The following AOAH variants were observed in gnomAD, a reference collection of about 807,000 sequenced individuals.
The protein encoded by AOAH is acyloxyacyl hydrolase.
A neutral mutation model predicts 92.2 loss-of-function variants in AOAH; 64 were observed. That is an observed-to-expected ratio of 0.69 (90% CI 0.57 to 0.86). The LOEUF is 0.86. AOAH is among the 40% of genes least tolerant of loss of function. The probability of loss-of-function intolerance (pLI) is 0.00; values close to 1 mark genes in which losing one functional copy is unlikely to be tolerated. For synonymous variants in AOAH, 263 were observed against 254.5 expected, an observed-to-expected ratio of 1.03 and a Z score of -0.32; for missense variants, 656 against 694.6, an observed-to-expected ratio of 0.94 and a Z score of 0.62.
chr7:36,597,054 C>T (rs1284643398), intron 11 of AOAH, among the ~76,000 whole-genome samples: 3 of 152,196 alleles, frequency 2.0e-5, no homozygotes, highest in African/African-American at 7.2e-5. Context: ...GCCACGAAAC[C>T]TCCATCCTTA....
intron 13 of AOAH, among the ~76,000 whole-genome samples, chr7:36,563,579 G>T (rs371820125): frequency 6.6e-6 from 1 of 152,112 alleles, no homozygotes; most frequent in African/African-American, 2.4e-5. Flanking sequence ...ACAGGGTGGG[G>T]TATGTTTACT....
chr7:36,530,655 G>A, intron 18 of AOAH, 141 bp from the exon 19 acceptor site: 1 of 590,484 alleles, frequency 1.7e-6, no homozygotes, highest in Non-Finnish European at 3.0e-6. Flanking sequence ...CAGCAGCTCT[G>A]CACATTAAAT....
At chr7:36,695,183 C>T (rs533196151) in intron 1 of AOAH, among the ~76,000 whole-genome samples, 54 of 152,144 alleles carry the variant, frequency 3.5e-4, no homozygotes, top group African/African-American at 1.3e-3. Flanking sequence ...AGAAAATATA[C>T]CAAAATACCA....
At chr7:36,610,103 G>C (rs58293767) in intron 11 of AOAH, among the ~76,000 whole-genome samples, 3,995 of 111,480 alleles carry the variant, frequency 0.036, 198 homozygotes, top group African/African-American at 0.12. Flanking sequence ...AAATTGGAAG[G>C]TTTTTTTCTT....
At chr7:36,569,946 AT>A (rs1219603663) in intron 13 of AOAH, among the ~76,000 whole-genome samples, 2 of 151,886 alleles carry the variant, frequency 1.3e-5, no homozygotes, top group African/African-American at 4.8e-5. Flanking sequence ...CCACTTTAAT[AT>A]TTGTTTTTCT....
At chr7:36,618,515 G>A (rs954533006) in intron 9 of AOAH, among the ~76,000 whole-genome samples, 170 bp from the exon 10 acceptor site, 4 of 152,294 alleles carry the variant, frequency 2.6e-5, no homozygotes, top group Non-Finnish European at 4.4e-5. Flanking sequence ...CGAGCGAGTC[G>A]GGTTTGGGAG....
chr7:36,539,105 G>A (rs1785259749), intron 16 of AOAH, among the ~76,000 whole-genome samples: 1 of 152,218 alleles, frequency 6.6e-6, no homozygotes, highest in Non-Finnish European at 1.5e-5. Context: ...TTCACACAAA[G>A]TAGTATATGC....
At chr7:36,606,428 A>T (rs1484973328) in intron 11 of AOAH, among the ~76,000 whole-genome samples, 1 of 152,210 alleles carries the variant, frequency 6.6e-6, no homozygotes, top group African/African-American at 2.4e-5. Flanking sequence ...ACAGCACGAA[A>T]TTCAATCTGC....
chr7:36,720,655 A>G (rs1468268257), intron 1 of AOAH, among the ~76,000 whole-genome samples: 2 of 152,184 alleles, frequency 1.3e-5, no homozygotes, highest in African/African-American at 4.8e-5. Flanking sequence ...TATCAAGGGC[A>G]CTAAGGGCCC....
chr7:36,553,521 C>G (rs1171779471), intron 13 of AOAH, among the ~76,000 whole-genome samples: 1 of 151,874 alleles, frequency 6.6e-6, no homozygotes, highest in East Asian at 1.9e-4. Context: ...ATGGCTGGGT[C>G]AAATGGTATT....
chr7:36,678,613 G>GTGCGCA (rs1796453783), intron 2 of AOAH, among the ~76,000 whole-genome samples: 5 of 140,818 alleles, frequency 3.6e-5, no homozygotes, highest in African/African-American at 1.1e-4. Context: ...GCGCGCGCGC[G>GTGCGCA]CGTTAGAATT....
chr7:36,690,292 T>C (rs1450186395), intron 1 of AOAH: 2 of 388,544 alleles, frequency 5.1e-6, no homozygotes, highest in Non-Finnish European at 1.0e-5. Flanking sequence ...AGAGTTATGA[T>C]GATCAAAAGG....
At chr7:36,721,016 G>C (rs367607094) in intron 1 of AOAH, among the ~76,000 whole-genome samples, 1 of 152,166 alleles carries the variant, frequency 6.6e-6, no homozygotes, top group Non-Finnish European at 1.5e-5. Flanking sequence ...AGCTGCGAGA[G>C]AGCGGACCTC....
At chr7:36,658,263 T>C (rs1252387487) in intron 4 of AOAH, among the ~76,000 whole-genome samples, 1 of 152,140 alleles carries the variant, frequency 6.6e-6, no homozygotes, top group Non-Finnish European at 1.5e-5. Flanking sequence ...ATCATGGTCA[T>C]TGGTTAGGCC....
chr7:36,546,392 C>T lies in AOAH; in HGVS notation c.1133+2220G>A, dbSNP rs140440300. Among the ~76,000 whole-genome samples, 323 of 152,284 alleles carry T rather than the reference C, an allele frequency of 2.1e-3. 1 individual carries two copies. The highest frequency in any genetic ancestry group is 7.4e-3 in the African/African-American group (307 of 41,566). ...TCTGGCAGATGGGGAGATATAGTTG[C>T]CATCTGTCTTTATTTTTTTAACCCC... On this transcript the variant is annotated intron_variant, in intron 15 of 20. Transcript: ENST00000617537.
chr7:36,634,040 T>G (rs1793347977), intron 5 of AOAH, among the ~76,000 whole-genome samples: 1 of 152,088 alleles, frequency 6.6e-6, no homozygotes, highest in South Asian at 2.1e-4. Context: ...TGGGAAGCAC[T>G]GATGGGAAAC....
rs558633426 is a variant in AOAH at position 36,614,584 on chromosome 7, C to G, written c.846+1796G>C. ...CCTGGCCACTCACTCCCCAGCCTGT[C>G]TTCTCCTTCTTGCCCTGCGACTGCT... On this transcript the variant is annotated intron_variant, in intron 11 of 20. Transcript: ENST00000617537. This position sits in a 1 kb window ranked among gnomAD's most constrained non-coding sequence, Gnocchi z 4.2. 1.6e-4 allele frequency among the ~76,000 whole-genome samples: 25 copies of G among 152,316 alleles called. 1 individual carries two copies. The South Asian group carries it at 4.3e-3, about 26-fold the overall frequency.
intron 20 of AOAH, among the ~76,000 whole-genome samples, chr7:36,515,338 A>T (rs1365529339): frequency 8.7e-6 from 1 of 114,854 alleles, no homozygotes; most frequent in East Asian, 2.9e-4. Flanking sequence ...CACACCACAC[A>T]CACATAATCA....
chr7:36,705,338 C>T (rs575074614), intron 1 of AOAH, among the ~76,000 whole-genome samples: 1 of 152,250 alleles, frequency 6.6e-6, no homozygotes, highest in East Asian at 1.9e-4. Flanking sequence ...TCCAATACAT[C>T]AATAATAGAC....
Sources: allele counts gnomAD v4.1 joint callset (sites outside exome capture counted in the v4.1 genomes callset), GRCh38; gene constraint gnomAD v4.1.1; non-coding constraint Gnocchi (gnomAD v3.1); transcripts MANE v1.5; gene names NCBI Gene and HGNC (gene_info 2026-07-23, HGNC 2026-07-21).